Variants in PDCL3 observed in about 807,000 individuals in gnomAD.
PDCL3 encodes phosducin like 3, also known as phosducin-like protein 3.
A neutral mutation model predicts 26.5 loss-of-function variants in PDCL3; 22 were observed. That is an observed-to-expected ratio of 0.83 (90% confidence interval 0.59 to 1.19). The LOEUF is 1.19. Ranked by LOEUF, PDCL3 falls within the 50% of genes most tolerant of loss-of-function variation. The pLI, the probability that PDCL3 is intolerant of heterozygous loss-of-function variation, is 0.00. For missense variants in PDCL3, 246 were observed against 294.1 expected (o/e 0.84, Z 1.20); for synonymous variants, 81 against 104.9 (o/e 0.77, Z 1.39).
At chr2:100,570,605 G>A (rs1337866987) in intron 4 of PDCL3, among the ~76,000 whole-genome samples, 1 of 151,400 alleles carries the variant, frequency 6.6e-6, no homozygotes, top group Non-Finnish European at 1.5e-5. Flanking sequence ...CTGCTCCTGA[G>A]TAGCTGGGAT....
intron 2 of PDCL3, among the ~76,000 whole-genome samples, chr2:100,568,117 G>A (rs1573279599): frequency 6.6e-6 from 1 of 152,280 alleles, no homozygotes; most frequent in African/African-American, 2.4e-5. Flanking sequence ...ACCCAGCCAA[G>A]GGATGCATTA....
At chr2:100,568,189 T>C (rs7594904) in intron 2 of PDCL3, among the ~76,000 whole-genome samples, 75,096 of 152,062 alleles carry the variant, frequency 0.49, 19,954 homozygotes, top group East Asian at 0.97. Flanking sequence ...TGTTTTTCTC[T>C]ACATTAGAGA....
intron 5 of PDCL3, among the ~76,000 whole-genome samples, chr2:100,575,325 C>T (rs370762016): frequency 1.1e-4 from 16 of 152,040 alleles, no homozygotes; most frequent in Admixed American, 5.2e-4. Flanking sequence ...TTAGTAGAGA[C>T]GGGGTTTCAC....
intron 1 of PDCL3, chr2:100,563,300 T>A: frequency 2.0e-6 from 1 of 499,112 alleles, no homozygotes; most frequent in Non-Finnish European, 3.5e-6. Context: ...CCCCCAAACC[T>A]CGTCCTCCGG....
At chr2:100,568,388 C>T (rs1324068336) in intron 2 of PDCL3, among the ~76,000 whole-genome samples, 1 of 129,048 alleles carries the variant, frequency 7.7e-6, no homozygotes, top group Non-Finnish European at 1.6e-5. Context: ...CCTGTAATCC[C>T]AGCACTTTGA....
intron 1 of PDCL3, among the ~76,000 whole-genome samples, chr2:100,565,912 T>C (rs1188813306): frequency 6.6e-6 from 1 of 152,092 alleles, no homozygotes; most frequent in Non-Finnish European, 1.5e-5. Context: ...ATTATTATTA[T>C]TATTATTTTG....
At position 100,569,033 on chromosome 2, in the gene PDCL3, C is replaced by T. The variant is rs1675115200; in HGVS notation, c.224+12C>T. 6.3e-7 allele frequency: 1 copy of T among 1,589,804 alleles called. No individual in the cohort carries two copies. Among genetic ancestry groups the T allele is most frequent in the Admixed American group, 1.9e-5 (1 of 52,614 alleles). On this transcript the variant is annotated intron_variant, in intron 3 of 5. Transcript: ENST00000264254. Reference sequence around the variant, plus strand: ...ATTGAAATGTACAGGTAAGCGCCACCCAGAGGGGCTGTTTGTTTTTTTGTT... The same window carrying T: ...ATTGAAATGTACAGGTAAGCGCCACTCAGAGGGGCTGTTTGTTTTTTTGTT...
intron 1 of PDCL3, chr2:100,563,281 G>A: frequency 1.9e-6 from 1 of 531,498 alleles, no homozygotes; most frequent in Non-Finnish European, 3.2e-6. Flanking sequence ...CCGCCTCGGT[G>A]TGCCGGGTCC....
In PDCL3 at chr2:100,569,586, G is replaced by A; in HGVS notation, c.233G>A (p.Arg78Lys). The A allele has an allele frequency of 6.2e-7, 1 of 1,613,146 alleles. No homozygotes were observed. The highest frequency in any genetic ancestry group is 8.5e-7 in the Non-Finnish European group (1 of 1,179,814). Residue 78 changes from arginine (R) to lysine (K), a missense_variant, in exon 4 of 6, where the codon AGA (arginine) becomes AAA (lysine). Arg to Lys is a conservative substitution (Grantham distance 26, BLOSUM62 2). Coordinates refer to ENST00000264254, the MANE Select transcript of PDCL3 (RefSeq NM_024065.5). ...ERAIEMYRRRRLAEWKATKLK... is the reference protein window; with the variant it reads ...ERAIEMYRRRKLAEWKATKLK... Reference sequence around the variant, plus strand: ...CTCCTTGTTTTGTGCAGACGGCGGAGACTGGCTGAGTGGAAAGCAACTAAA... The same window carrying A: ...CTCCTTGTTTTGTGCAGACGGCGGAAACTGGCTGAGTGGAAAGCAACTAAA...
intron 5 of PDCL3, among the ~76,000 whole-genome samples, chr2:100,572,234 C>G (rs1051129044): frequency 2.6e-5 from 4 of 152,120 alleles, no homozygotes; most frequent in Admixed American, 6.6e-5. Flanking sequence ...TTTTTTGAGA[C>G]AGAGTCTTGC....
intron 2 of PDCL3, among the ~76,000 whole-genome samples, chr2:100,567,423 A>G (rs143406989): frequency 9.9e-4 from 151 of 152,298 alleles, no homozygotes; most frequent in African/African-American, 3.5e-3. Flanking sequence ...ACAATAAACA[A>G]TAAAGAAAAT....
chr2:100,564,953 A>G (rs1675032018), intron 1 of PDCL3, among the ~76,000 whole-genome samples: 1 of 152,032 alleles, frequency 6.6e-6, no homozygotes, highest in African/African-American at 2.4e-5. Context: ...TTTATGAGCT[A>G]CTCTGAGACG....
intron 5 of PDCL3, among the ~76,000 whole-genome samples, chr2:100,574,930 C>T (rs1675249881): frequency 6.6e-6 from 1 of 152,098 alleles, no homozygotes. Context: ...AGCGAGATCC[C>T]ATGTCTACAA....
intron 2 of PDCL3, 96 bp downstream of exon 2, chr2:100,566,725 A>T (rs1033809352): frequency 1.8e-5 from 28 of 1,546,344 alleles, no homozygotes; most frequent in Non-Finnish European, 2.5e-5. Context: ...GAGTGCCAGC[A>T]TGGACACTCT....
In PDCL3 at chr2:100,569,003, G is replaced by A. The variant is rs749100904; in HGVS notation, c.206G>A (p.Arg69His). 12 of 1,613,848 alleles carry A rather than the reference G, an allele frequency of 7.4e-6. No individual in the cohort carries two copies. The highest frequency in any genetic ancestry group is 4.4e-5 in the South Asian group (4 of 91,068). ...GACGAGTTTAATGAGGAGGATGAAC[G>A]TGCTATTGAAATGTACAGGTAAGCG... Reference protein sequence around the residue: ...HEDEFNEEDERAIEMYRRRRL... With the variant: ...HEDEFNEEDEHAIEMYRRRRL... Residue 69 changes from arginine to histidine, a missense_variant, in exon 3 of 6, where the codon CGT becomes CAT. By Grantham distance (29) the Arg-to-His change is conservative (BLOSUM62 0). Transcript: ENST00000264254.
intron 1 of PDCL3, among the ~76,000 whole-genome samples, chr2:100,563,676 A>G (rs6747613): frequency 0.49 from 74,135 of 150,376 alleles, 19,653 homozygotes; most frequent in East Asian, 0.97. Context: ...TGTAGCTGCA[A>G]TTTACTAGCG....
At chr2:100,565,226 C>T (rs1267211166) in intron 1 of PDCL3, among the ~76,000 whole-genome samples, 1 of 152,174 alleles carries the variant, frequency 6.6e-6, no homozygotes, top group East Asian at 1.9e-4. Context: ...GCCTTGGCCT[C>T]CCAAAGAGCT....
intron 1 of PDCL3, among the ~76,000 whole-genome samples, chr2:100,565,745 C>G (rs967146817): frequency 6.6e-6 from 1 of 152,174 alleles, no homozygotes; most frequent in African/African-American, 2.4e-5. Context: ...AATTTTATCT[C>G]TCTATGTATA....
intron 2 of PDCL3, among the ~76,000 whole-genome samples, chr2:100,567,637 G>A (rs559806882): frequency 1.2e-4 from 19 of 152,054 alleles, no homozygotes; most frequent in Non-Finnish European, 2.5e-4. Context: ...ATTCCTGAAG[G>A]GGGTGACGTG....
Sources: gnomAD v4.1 joint callset for allele counts (sites outside exome capture counted in the v4.1 genomes callset) on GRCh38, gnomAD v4.1.1 for gene constraint, MANE v1.5 for transcripts, NCBI Gene and HGNC (gene_info 2026-07-23, HGNC 2026-07-21) for gene names.